Variants in DGKB observed in about 807,000 individuals in gnomAD.
DGKB encodes 90 kDa diacylglycerol kinase.
DGKB carries 67 observed loss-of-function variants against 114.3 expected under a neutral mutation model. The observed-to-expected ratio is 0.59, with a 90% confidence interval of 0.48 to 0.72. The LOEUF is 0.72. Ranked by LOEUF, DGKB falls within the 30% of genes least tolerant of loss-of-function variation. The pLI, the probability that DGKB is intolerant of heterozygous loss-of-function variation, is 0.00. For synonymous variants in DGKB, 398 were observed against 323.1 expected (o/e 1.23, Z -2.49); for missense variants, 907 against 975.2 (o/e 0.93, Z 0.93).
chr7:14,532,008 T>C (rs547031409), intron 20 of DGKB, among the ~76,000 whole-genome samples: 2 of 151,208 alleles, frequency 1.3e-5, no homozygotes, highest in South Asian at 2.1e-4. Flanking sequence ...CTTTAAACCA[T>C]ATACAAAAAT....
intron 23 of DGKB, among the ~76,000 whole-genome samples, chr7:14,231,115 C>CT (rs1562684663): frequency 7.8e-6 from 1 of 128,610 alleles, no homozygotes; most frequent in Non-Finnish European, 1.7e-5. Flanking sequence ...TTCTTTCTTT[C>CT]TTTCTTTCTT....
chr7:14,366,532 G>A (rs1394369159), intron 21 of DGKB, among the ~76,000 whole-genome samples: 11 of 152,102 alleles, frequency 7.2e-5, no homozygotes, highest in Non-Finnish European at 1.2e-4. Context: ...AGGAACATGT[G>A]TATGCGCATC....
At chr7:14,864,292 C>T (rs763595104) in intron 1 of DGKB, among the ~76,000 whole-genome samples, 1 of 151,960 alleles carries the variant, frequency 6.6e-6, no homozygotes, top group Non-Finnish European at 1.5e-5. Flanking sequence ...CAAATATTCA[C>T]CAAAAAACAA....
chr7:14,193,160 C>A, intron 23 of DGKB, among the ~76,000 whole-genome samples: 1 of 140,488 alleles, frequency 7.1e-6, no homozygotes, highest in South Asian at 2.5e-4. Context: ...TTAGGGACCC[C>A]TGCTTCAGAG....
intron 20 of DGKB, among the ~76,000 whole-genome samples, chr7:14,488,312 C>T (rs990642814): frequency 1.2e-4 from 19 of 152,196 alleles, no homozygotes; most frequent in South Asian, 1.0e-3. Context: ...TGCCAGAAAA[C>T]GTCTGTAATG....
At chr7:14,776,674 G>C (rs1158249005) in intron 2 of DGKB, among the ~76,000 whole-genome samples, 1 of 152,266 alleles carries the variant, frequency 6.6e-6, no homozygotes, top group African/African-American at 2.4e-5. Flanking sequence ...TTCAGAGAAT[G>C]TATGGAAATG....
At chr7:14,752,758 T>C (rs767443208) in intron 4 of DGKB, among the ~76,000 whole-genome samples, 1 of 152,100 alleles carries the variant, frequency 6.6e-6, no homozygotes, top group African/African-American at 2.4e-5. Flanking sequence ...CTAGTAAGGA[T>C]GTAGGTTGTG....
chr7:14,946,532 T>G (rs1785891420), intron 1 of DGKB, among the ~76,000 whole-genome samples: 1 of 151,770 alleles, frequency 6.6e-6, no homozygotes, highest in African/African-American at 2.4e-5. Context: ...AATCCTACCT[T>G]TTAAGATAAC....
intron 25 of DGKB, among the ~76,000 whole-genome samples, chr7:14,165,058 A>C (rs1310326914): frequency 6.6e-6 from 1 of 152,020 alleles, no homozygotes; most frequent in Non-Finnish European, 1.5e-5. Context: ...CCTCATTTCT[A>C]TTTTCTGCCC....
intron 20 of DGKB, among the ~76,000 whole-genome samples, chr7:14,483,492 A>C (rs78445779): frequency 1.3e-5 from 2 of 152,132 alleles, no homozygotes; most frequent in African/African-American, 4.8e-5. Flanking sequence ...GGACTGAGCC[A>C]TTTGGGGATA....
intron 23 of DGKB, among the ~76,000 whole-genome samples, chr7:14,180,303 C>G (rs563098372): frequency 2.0e-5 from 3 of 152,082 alleles, no homozygotes; most frequent in Non-Finnish European, 2.9e-5. Context: ...ATCTGTGAGC[C>G]CTAACTTTTT....
At chr7:14,926,236 G>T (rs545163985) in intron 1 of DGKB, among the ~76,000 whole-genome samples, 1 of 151,772 alleles carries the variant, frequency 6.6e-6, no homozygotes, top group Admixed American at 6.6e-5. Flanking sequence ...GCTTTTTGAA[G>T]GAAATTATTA....
intron 23 of DGKB, among the ~76,000 whole-genome samples, chr7:14,336,881 A>G (rs1810768237): frequency 6.6e-6 from 1 of 152,188 alleles, no homozygotes; most frequent in Non-Finnish European, 1.5e-5. Flanking sequence ...TGAGCCATTG[A>G]GAATCAATTT....
intron 21 of DGKB, among the ~76,000 whole-genome samples, chr7:14,407,854 A>G (rs1191980762): frequency 1.3e-5 from 2 of 152,020 alleles, no homozygotes; most frequent in Admixed American, 6.6e-5. Flanking sequence ...AACAAGAGAG[A>G]TAGAATAGAC....
intron 25 of DGKB, among the ~76,000 whole-genome samples, chr7:14,170,695 AAAAAAC>A (rs1780860894): frequency 6.6e-6 from 1 of 152,196 alleles, no homozygotes; most frequent in African/African-American, 2.4e-5. Flanking sequence ...TAATGATTTG[AAAAAAC>A]AAACACATAA....
chr7:14,223,636 G>C (rs1269088736), intron 23 of DGKB, among the ~76,000 whole-genome samples: 3 of 151,492 alleles, frequency 2.0e-5, no homozygotes, highest in African/African-American at 7.3e-5. Context: ...ATAATATCTG[G>C]GGTCAGTTGC....
intron 15 of DGKB, among the ~76,000 whole-genome samples, chr7:14,613,811 G>A (rs1228131524): frequency 6.6e-6 from 1 of 151,982 alleles, no homozygotes; most frequent in Non-Finnish European, 1.5e-5. Flanking sequence ...TTATAGAGAG[G>A]CCTCCTTTTA....
intron 15 of DGKB, 119 bp downstream of exon 15, chr7:14,621,257 AAG>A: frequency 1.6e-6 from 1 of 609,860 alleles, no homozygotes; most frequent in Non-Finnish European, 2.9e-6. Flanking sequence ...ATCTTTCTGA[AAG>A]AGTCTACTAA....
At chr7:14,423,566 C>G (rs1163950566) in intron 21 of DGKB, among the ~76,000 whole-genome samples, 2 of 151,990 alleles carry the variant, frequency 1.3e-5, no homozygotes, top group Non-Finnish European at 2.9e-5. Context: ...ATTAGTAGTT[C>G]ATAAAATTGG....
Sources: allele counts gnomAD v4.1 joint callset (sites outside exome capture counted in the v4.1 genomes callset), GRCh38; gene constraint gnomAD v4.1.1; transcripts MANE v1.5; gene names NCBI Gene and HGNC (gene_info 2026-07-23, HGNC 2026-07-21).